The following ZFHX3 variants were observed in gnomAD, a reference collection of about 807,000 sequenced individuals.
ZFHX3 encodes the protein zinc finger homeobox 3, also known as zinc finger homeobox protein 3.
Under a neutral mutation model 279.1 loss-of-function variants are expected in ZFHX3, and 42 were observed. That is an observed-to-expected ratio of 0.15 (90% CI 0.12 to 0.19). ZFHX3 has a LOEUF of 0.19. ZFHX3 is among the 10% of genes least tolerant of loss of function. The probability of loss-of-function intolerance (pLI) is 1.00; values close to 1 mark genes in which losing one functional copy is unlikely to be tolerated. For synonymous variants in ZFHX3, 2,293 were observed against 1,957.8 expected (o/e 1.17, Z -4.52); for missense variants, 4,981 against 4,754.0 (o/e 1.05, Z -1.40).
chr16:72,798,901 C>T (rs2036008110), intron 8 of ZFHX3, among the ~76,000 whole-genome samples, 187 bp from the exon 9 acceptor site: 1 of 152,166 alleles, frequency 6.6e-6, no homozygotes, highest in African/African-American at 2.4e-5. Flanking sequence ...CAATAGAGCA[C>T]ATATTATAAA....
At chr16:72,976,815 G>A (rs1200667682) in intron 1 of ZFHX3, among the ~76,000 whole-genome samples, 1 of 152,204 alleles carries the variant, frequency 6.6e-6, no homozygotes, top group Non-Finnish European at 1.5e-5. Context: ...TGGACAAGTG[G>A]CACCGCCGCC....
At chr16:73,532,214 G>T (rs567438260) in intron 2 of ZFHX3, among the ~76,000 whole-genome samples, 1 of 152,138 alleles carries the variant, frequency 6.6e-6, no homozygotes, top group South Asian at 2.1e-4. Flanking sequence ...AGGGACCCCA[G>T]GGGGAGATAA....
At chr16:73,383,823 C>T (rs554719158) in intron 3 of ZFHX3, among the ~76,000 whole-genome samples, 9 of 152,194 alleles carry the variant, frequency 5.9e-5, no homozygotes, top group Admixed American at 2.0e-4. Flanking sequence ...TGCTTGCCAA[C>T]GATGCTGGTC....
At chr16:73,577,814 C>A (rs369079407) in intron 2 of ZFHX3, among the ~76,000 whole-genome samples, 1 of 152,160 alleles carries the variant, frequency 6.6e-6, no homozygotes, top group African/African-American at 2.4e-5. Flanking sequence ...TTTTACCCTA[C>A]GAATTTAATA....
At chr16:73,873,514 G>C (rs1350846903) in intron 1 of ZFHX3, among the ~76,000 whole-genome samples, 1 of 152,050 alleles carries the variant, frequency 6.6e-6, no homozygotes, top group Non-Finnish European at 1.5e-5. Flanking sequence ...TCACACCAAT[G>C]GCTCAGAAAT....
At chr16:73,315,853 T>A (rs1309820570) in intron 4 of ZFHX3, among the ~76,000 whole-genome samples, 2 of 152,220 alleles carry the variant, frequency 1.3e-5, no homozygotes, top group Non-Finnish European at 1.5e-5. Context: ...TAAGAGAAGC[T>A]TTTAACTCTA....
intron 1 of ZFHX3, among the ~76,000 whole-genome samples, chr16:73,003,444 T>C (rs1361759048): frequency 2.0e-5 from 3 of 151,844 alleles, no homozygotes; most frequent in African/African-American, 7.3e-5. Flanking sequence ...TCCCAGCACT[T>C]TGGGAGGCCA....
intron 8 of ZFHX3, among the ~76,000 whole-genome samples, chr16:73,091,447 T>G (rs993262817): frequency 6.6e-6 from 1 of 152,100 alleles, no homozygotes; most frequent in Non-Finnish European, 1.5e-5. Context: ...AGCCAGGGAC[T>G]TACCTTCCTC....
chr16:73,865,709 G>A (rs538262123), intron 1 of ZFHX3, among the ~76,000 whole-genome samples: 1 of 152,236 alleles, frequency 6.6e-6, no homozygotes, highest in East Asian at 1.9e-4. Flanking sequence ...GCCAGGCACA[G>A]TGGCTCACAC....
At chr16:73,133,573 T>C (rs1966735666) in intron 6 of ZFHX3, among the ~76,000 whole-genome samples, 1 of 152,168 alleles carries the variant, frequency 6.6e-6, no homozygotes, top group African/African-American at 2.4e-5. Flanking sequence ...AAAGACCATG[T>C]GAACACTCTG....
chr16:72,894,674 T>C (rs1242966559), intron 3 of ZFHX3, among the ~76,000 whole-genome samples: 2 of 152,152 alleles, frequency 1.3e-5, no homozygotes, highest in Non-Finnish European at 1.5e-5. Flanking sequence ...ATACCCTCAA[T>C]TGGGATCACA....
At chr16:73,603,814 C>T (rs1444643839) in intron 2 of ZFHX3, among the ~76,000 whole-genome samples, 1 of 142,312 alleles carries the variant, frequency 7.0e-6, no homozygotes, top group African/African-American at 2.8e-5. Flanking sequence ...GGCTCTCTCA[C>T]CCAGGCTGGA....
At chr16:73,564,239 C>T (rs1567520094) in intron 2 of ZFHX3, among the ~76,000 whole-genome samples, 1 of 152,224 alleles carries the variant, frequency 6.6e-6, no homozygotes, top group Non-Finnish European at 1.5e-5. Flanking sequence ...GTATCATGGT[C>T]ACCATCATCC....
At chr16:73,441,086 T>C in intron 3 of ZFHX3, among the ~76,000 whole-genome samples, 1 of 152,142 alleles carries the variant, frequency 6.6e-6, no homozygotes, top group East Asian at 1.9e-4. Context: ...TAGGGGTTGT[T>C]ACATATCTAG....
intron 5 of ZFHX3, among the ~76,000 whole-genome samples, chr16:73,217,752 C>T (rs2012266499): frequency 6.6e-6 from 1 of 152,020 alleles, no homozygotes; most frequent in African/African-American, 2.4e-5. Flanking sequence ...CACAATAGGG[C>T]TATTTATTTT....
chr16:72,866,283 G>C lies in ZFHX3; in HGVS notation c.3448+23448C>G, dbSNP rs148373797. ...TGCCAGGCTCCACACTAAGTATAAT[G>C]ACACTTTATGTACATTCCCTCACTT... On this transcript the variant is annotated intron_variant, in intron 4 of 9. Coordinates refer to ENST00000268489, the MANE Select transcript of ZFHX3 (RefSeq NM_006885.4). Among the ~76,000 whole-genome samples, 69 of 152,314 alleles carry C rather than the reference G, an allele frequency of 4.5e-4. No homozygotes were observed. The East Asian group carries it at 0.012, about 27-fold the overall frequency.
chr16:72,797,900 TTTG>T lies in ZFHX3; in HGVS notation c.4779_4781del (p.Asn1593del). The T allele has an allele frequency of 6.2e-7, 1 of 1,614,012 alleles. No individual in the cohort carries two copies. Among genetic ancestry groups the T allele is most frequent in the Non-Finnish European group, 8.5e-7 (1 of 1,179,994 alleles). ...CATTACAAGTGTTACACTTAAAAGGTTTGTTGTCTGGGCTGCTGGTGGGTTCTG... is the reference window on the plus strand; with the variant it reads ...CATTACAAGTGTTACACTTAAAAGGTTTGTCTGGGCTGCTGGTGGGTTCTG... On this transcript the variant is annotated inframe_deletion, in exon 9 of 10. Coordinates refer to ENST00000268489, the MANE Select transcript of ZFHX3 (RefSeq NM_006885.4).
chr16:73,364,565 T>C (rs1464131875), intron 3 of ZFHX3, among the ~76,000 whole-genome samples: 1 of 152,152 alleles, frequency 6.6e-6, no homozygotes, highest in Non-Finnish European at 1.5e-5. Context: ...AGTCCCACAG[T>C]ATGATCACAG....
chr16:72,786,336 T>C lies in ZFHX3; in HGVS notation c.*828A>G, dbSNP rs754103509. 1.3e-5 allele frequency: 2 copies of C among 151,454 alleles called. No homozygotes were observed. Among genetic ancestry groups the C allele is most frequent in the Admixed American group, 1.3e-4 (2 of 15,178 alleles). 9.4% of individuals were successfully genotyped at this position (151,454 alleles called of 1,614,324 possible). On this transcript the variant is annotated 3_prime_UTR_variant, in exon 10 of 10. Transcript: ENST00000268489. Reference sequence around the variant, plus strand: ...ACACCAAAAATGGTCATATCTATCATAAATACAGAAAGTCAGTTTTTAAAA... The same window carrying C: ...ACACCAAAAATGGTCATATCTATCACAAATACAGAAAGTCAGTTTTTAAAA...
Sources: allele counts gnomAD v4.1 joint callset (sites outside exome capture counted in the v4.1 genomes callset), GRCh38; gene constraint gnomAD v4.1.1; transcripts MANE v1.5; gene names NCBI Gene and HGNC (gene_info 2026-07-23, HGNC 2026-07-21).